Variants in PRDM16 observed in about 807,000 individuals in gnomAD.
PRDM16 encodes the protein histone-lysine N-methyltransferase PRDM16.
PRDM16 carries 23 observed loss-of-function variants against 110.6 expected under a neutral mutation model. The observed-to-expected ratio is 0.21, with a 90% CI of 0.15 to 0.29. The LOEUF is 0.29. Among genes scored for constraint, PRDM16 ranks in the 10% least tolerant of loss-of-function variants. The pLI is 1.00. For synonymous variants in PRDM16, 799 were observed against 781.8 expected (o/e 1.02, Z -0.37); for missense variants, 1,615 against 1,794.3 (o/e 0.90, Z 1.81).
chr1:3,426,285 ACC>A, intron 14 of PRDM16, 60 bp downstream of exon 14: 1 of 1,453,584 alleles, frequency 6.9e-7, no homozygotes, highest in Non-Finnish European at 9.5e-7. Flanking sequence ...CTGCGTGGCC[ACC>A]CTCAGAGGAC....
At chr1:3,139,985 C>T (rs987212734) in intron 1 of PRDM16, among the ~76,000 whole-genome samples, 1 of 152,272 alleles carries the variant, frequency 6.6e-6, no homozygotes, top group Non-Finnish European at 1.5e-5. Flanking sequence ...ACACGGCAGG[C>T]TGGAGTTCCC....
chr1:3,383,127 T>C (rs1643133347), intron 3 of PRDM16, among the ~76,000 whole-genome samples: 1 of 152,210 alleles, frequency 6.6e-6, no homozygotes, highest in Non-Finnish European at 1.5e-5. Flanking sequence ...CACAGTCACT[T>C]GGTGAATGGA....
chr1:3,179,308 C>G (rs965877461), intron 1 of PRDM16, among the ~76,000 whole-genome samples: 2 of 152,234 alleles, frequency 1.3e-5, no homozygotes, highest in African/African-American at 4.8e-5. Flanking sequence ...CATGGACAGG[C>G]TGGGTGTCAG....
intron 3 of PRDM16, among the ~76,000 whole-genome samples, chr1:3,360,929 C>T (rs1018130637): frequency 1.1e-4 from 16 of 152,172 alleles, no homozygotes; most frequent in Non-Finnish European, 1.9e-4. Context: ...GTGCGGGTGC[C>T]GTCCCGCGGC....
chr1:3,354,050 C>T (rs920143886), intron 3 of PRDM16, among the ~76,000 whole-genome samples: 3 of 152,208 alleles, frequency 2.0e-5, no homozygotes, highest in Non-Finnish European at 4.4e-5. Flanking sequence ...GGTCCTGGTC[C>T]AGGCACTTGT....
intron 3 of PRDM16, among the ~76,000 whole-genome samples, chr1:3,288,157 C>G (rs1640899196): frequency 1.3e-5 from 2 of 152,368 alleles, no homozygotes; most frequent in African/African-American, 4.8e-5. Flanking sequence ...GCCAGCTGGT[C>G]TTAGCCTGGC....
At chr1:3,146,091 C>T (rs1262897754) in intron 1 of PRDM16, among the ~76,000 whole-genome samples, 7 of 152,218 alleles carry the variant, frequency 4.6e-5, no homozygotes, top group African/African-American at 1.4e-4. Context: ...CATTTAGACA[C>T]ACCCCCACAC....
chr1:3,150,539 C>T (rs754115507), intron 1 of PRDM16, among the ~76,000 whole-genome samples: 10 of 152,294 alleles, frequency 6.6e-5, no homozygotes, highest in Middle Eastern at 6.8e-3. Flanking sequence ...GCCTGGGTGA[C>T]AGAGCGAGAC....
At chr1:3,361,427 C>T (rs1184430822) in intron 3 of PRDM16, among the ~76,000 whole-genome samples, 1 of 152,228 alleles carries the variant, frequency 6.6e-6, no homozygotes. Context: ...CAGAACGACC[C>T]CTGAAAGTTG....
At chr1:3,166,110 G>A (rs1206693522) in intron 1 of PRDM16, among the ~76,000 whole-genome samples, 1 of 152,244 alleles carries the variant, frequency 6.6e-6, no homozygotes, top group African/African-American at 2.4e-5. Flanking sequence ...AGTGGCGCAT[G>A]GGAACCTCAC....
chr1:3,392,413 T>A (rs776456504), intron 4 of PRDM16, among the ~76,000 whole-genome samples: 5 of 152,196 alleles, frequency 3.3e-5, no homozygotes, highest in Non-Finnish European at 5.9e-5. Flanking sequence ...AAAAATTCAT[T>A]TATTCCAGGA....
At chr1:3,215,841 G>T (rs1324397280) in intron 2 of PRDM16, among the ~76,000 whole-genome samples, 1 of 152,134 alleles carries the variant, frequency 6.6e-6, no homozygotes, top group Admixed American at 6.5e-5. Flanking sequence ...CGGCAACAAG[G>T]GGCGCATTCT....
At chr1:3,292,477 C>T (rs888166080) in intron 3 of PRDM16, among the ~76,000 whole-genome samples, 4 of 152,236 alleles carry the variant, frequency 2.6e-5, no homozygotes, top group South Asian at 2.1e-4. Flanking sequence ...CGCCTGGCTG[C>T]GCCTCTATCT....
intron 3 of PRDM16, among the ~76,000 whole-genome samples, chr1:3,296,677 A>T (rs1641096485): frequency 6.6e-6 from 1 of 152,188 alleles, no homozygotes; most frequent in Admixed American, 6.5e-5. Context: ...GTGGACCAGG[A>T]TGGGCAGCCT....
chr1:3,210,189 T>C (rs1238484047), intron 2 of PRDM16, among the ~76,000 whole-genome samples: 2 of 152,368 alleles, frequency 1.3e-5, no homozygotes, highest in East Asian at 1.9e-4. Flanking sequence ...TCTGGGCTTT[T>C]AGGGCAGCCA....
Position 3,244,127 on chromosome 1 carries a change from G to A in PRDM16, c.428G>A (p.Cys143Tyr), listed in dbSNP as rs948346242. The A allele has an allele frequency of 6.2e-7, 1 of 1,613,908 alleles. No homozygotes were observed. Among genetic ancestry groups the A allele is most frequent in the Non-Finnish European group, 8.5e-7 (1 of 1,179,994 alleles). The change falls in exon 3 of 17, where the codon TGC (cysteine) becomes TAC (tyrosine). Residue 143 changes from cysteine to tyrosine, a missense_variant. Cys to Tyr is a radical substitution (Grantham distance 194). This residue lies in a region of PRDM16 where 416 missense variants were observed against 467.1 expected (regional missense o/e 0.89). Transcript: ENST00000270722. The surrounding 1 kb of genome is among the most constrained non-coding windows in gnomAD (Gnocchi z 4.1). Reference protein sequence around the residue: ...TDVEVSPQEGCITKISEDLGS... With the variant: ...TDVEVSPQEGYITKISEDLGS... ...GTGGAAGTGTCGCCCCAGGAAGGCT[G>A]CATCACAAAGGTAGGAGAGCTCGCC... is the stretch of plus-strand genomic sequence containing the variant.
chr1:3,275,549 A>C (rs2100303530), intron 3 of PRDM16, among the ~76,000 whole-genome samples: 1 of 152,222 alleles, frequency 6.6e-6, no homozygotes. Flanking sequence ...GGGGTTCAGG[A>C]CGGGTCACCC....
chr1:3,280,619 C>A (rs568149635), intron 3 of PRDM16, among the ~76,000 whole-genome samples: 2 of 152,352 alleles, frequency 1.3e-5, no homozygotes, highest in Non-Finnish European at 1.5e-5. Flanking sequence ...CCTCTCACCC[C>A]AGCAAGGTCT....
intron 2 of PRDM16, among the ~76,000 whole-genome samples, chr1:3,229,853 G>T (rs1639367332): frequency 6.6e-6 from 1 of 152,228 alleles, no homozygotes. Context: ...ACGGGCGGGA[G>T]GGAGAGTGGT....
Sources: allele counts gnomAD v4.1 joint callset (sites outside exome capture counted in the v4.1 genomes callset), GRCh38; gene constraint gnomAD v4.1.1; regional missense constraint gnomAD v4.1.1; non-coding constraint Gnocchi (gnomAD v3.1); transcripts MANE v1.5; gene names NCBI Gene and HGNC (gene_info 2026-07-23, HGNC 2026-07-21).